The following GRID2 variants were observed in gnomAD, a reference collection of about 807,000 sequenced individuals.
GRID2 encodes the protein glutamate receptor ionotropic, delta-2.
Under a neutral mutation model 114.8 loss-of-function variants are expected in GRID2, and 33 were observed. The observed-to-expected ratio is 0.29, with a 90% CI of 0.22 to 0.38. The LOEUF (loss-of-function observed/expected upper bound fraction) is 0.38, where lower values mean the gene tolerates loss of function less well. GRID2 is among the 10% of genes least tolerant of loss of function. GRID2 has a pLI of 1.00. For synonymous variants in GRID2, 505 were observed against 449.9 expected, an observed-to-expected ratio of 1.12 and a Z score of -1.55; for missense variants, 1,184 against 1,257.7, an observed-to-expected ratio of 0.94 and a Z score of 0.89.
At chr4:92,832,267 C>G (rs1039919109) in intron 2 of GRID2, among the ~76,000 whole-genome samples, 1 of 151,838 alleles carries the variant, frequency 6.6e-6, no homozygotes, top group Non-Finnish European at 1.5e-5. Flanking sequence ...AGATGAAACA[C>G]GATCTTTACT....
chr4:92,354,514 C>T (rs996834090), intron 1 of GRID2, among the ~76,000 whole-genome samples: 4 of 151,814 alleles, frequency 2.6e-5, no homozygotes, highest in African/African-American at 9.7e-5. Flanking sequence ...GGTATTCTTT[C>T]ATGCCTTTTA....
chr4:92,359,826 G>A (rs531372585), intron 1 of GRID2, among the ~76,000 whole-genome samples: 1 of 151,936 alleles, frequency 6.6e-6, no homozygotes, highest in Non-Finnish European at 1.5e-5. Context: ...TTTTTTCCTA[G>A]GCAATTTCCC....
At chr4:93,000,053 A>C (rs1755443489) in intron 2 of GRID2, among the ~76,000 whole-genome samples, 1 of 151,704 alleles carries the variant, frequency 6.6e-6, no homozygotes, top group South Asian at 2.1e-4. Flanking sequence ...ATCTCATTGG[A>C]GAAAAATAAA....
chr4:92,358,915 A>G (rs1468919636), intron 1 of GRID2, among the ~76,000 whole-genome samples: 1 of 151,958 alleles, frequency 6.6e-6, no homozygotes. Context: ...TGCATTATGT[A>G]CTTGCATGTA....
At chr4:92,556,802 G>A (rs1726870760) in intron 1 of GRID2, among the ~76,000 whole-genome samples, 1 of 152,094 alleles carries the variant, frequency 6.6e-6, no homozygotes. Flanking sequence ...TAGTTAGTAT[G>A]AGCAAGCCCC....
At chr4:92,567,393 T>C (rs1335828679) in intron 1 of GRID2, among the ~76,000 whole-genome samples, 1 of 152,058 alleles carries the variant, frequency 6.6e-6, no homozygotes, top group African/African-American at 2.4e-5. Context: ...TTGCCACTTC[T>C]ATAGGAAAAT....
At chr4:93,058,528 T>C (rs1220177161) in intron 2 of GRID2, among the ~76,000 whole-genome samples, 1 of 152,018 alleles carries the variant, frequency 6.6e-6, no homozygotes, top group Non-Finnish European at 1.5e-5. Context: ...GTGGCTTTTT[T>C]TTAGTTGTCC....
intron 1 of GRID2, among the ~76,000 whole-genome samples, chr4:92,578,013 T>A (rs1401730049): frequency 3.3e-5 from 5 of 150,386 alleles, no homozygotes; most frequent in African/African-American, 1.2e-4. Context: ...AGATTTGGGA[T>A]GACTTACTAA....
chr4:93,485,134 T>A (rs1223353556), intron 11 of GRID2, among the ~76,000 whole-genome samples: 1 of 151,826 alleles, frequency 6.6e-6, no homozygotes, highest in East Asian at 1.9e-4. Flanking sequence ...TGGAGTGGTA[T>A]TTTTTTATTT....
At chr4:93,241,139 T>C (rs1302043364) in intron 8 of GRID2, among the ~76,000 whole-genome samples, 2 of 151,812 alleles carry the variant, frequency 1.3e-5, no homozygotes, top group Non-Finnish European at 3.0e-5. Context: ...TATAATATGG[T>C]ATCTTCTAAA....
chr4:92,697,056 C>T lies in GRID2; in HGVS notation c.244+106770C>T, dbSNP rs995201385. Among the ~76,000 whole-genome samples, 12 of 152,280 alleles carry T rather than the reference C, an allele frequency of 7.9e-5. 1 individual carries two copies. The highest frequency in any genetic ancestry group is 2.0e-4 in the Admixed American group (3 of 15,292). On this transcript the variant is annotated intron_variant, in intron 2 of 15. Transcript: ENST00000282020. ...TTTGTGTGCACTTCCTACATTTGAA[C>T]GCTTACAGTGGCATGAGCCTTAAAT...
At chr4:92,982,484 A>G (rs1754279092) in intron 2 of GRID2, among the ~76,000 whole-genome samples, 1 of 152,128 alleles carries the variant, frequency 6.6e-6, no homozygotes, top group Non-Finnish European at 1.5e-5. Context: ...TAAAATCATC[A>G]GAATAATTCT....
At chr4:93,626,191 TG>T (rs1451224415) in intron 13 of GRID2, 77 bp from the exon 14 acceptor site, 2 of 703,668 alleles carry the variant, frequency 2.8e-6, no homozygotes, top group Non-Finnish European at 4.9e-6. Context: ...ACCAATGTAA[TG>T]TTTTTCATCC....
At chr4:93,159,000 T>G (rs74329174) in intron 4 of GRID2, among the ~76,000 whole-genome samples, 1 of 151,728 alleles carries the variant, frequency 6.6e-6, no homozygotes, top group African/African-American at 2.4e-5. Flanking sequence ...TATTCTTGCC[T>G]TATGGAATTG....
chr4:93,598,416 GT>G (rs897683556), intron 13 of GRID2, among the ~76,000 whole-genome samples: 2 of 151,606 alleles, frequency 1.3e-5, no homozygotes, highest in East Asian at 1.9e-4. Flanking sequence ...CTCTTTTAAA[GT>G]TTTTTTACTG....
intron 2 of GRID2, among the ~76,000 whole-genome samples, chr4:92,876,771 G>A (rs1227571234): frequency 1.3e-5 from 2 of 152,172 alleles, no homozygotes; most frequent in Non-Finnish European, 2.9e-5. Context: ...AACACACAGG[G>A]AGGACAGGGT....
At chr4:92,804,853 A>G (rs1740337476) in intron 2 of GRID2, among the ~76,000 whole-genome samples, 1 of 152,024 alleles carries the variant, frequency 6.6e-6, no homozygotes. Context: ...ACCTAATTTA[A>G]TAACAATTTT....
intron 2 of GRID2, among the ~76,000 whole-genome samples, chr4:92,973,153 T>C (rs1202897745): frequency 6.6e-6 from 1 of 152,126 alleles, no homozygotes; most frequent in Non-Finnish European, 1.5e-5. Flanking sequence ...CAAATGGTAT[T>C]TCTGTTTTTA....
intron 2 of GRID2, among the ~76,000 whole-genome samples, chr4:92,615,575 T>C (rs928388110): frequency 6.6e-6 from 1 of 151,684 alleles, no homozygotes; most frequent in Non-Finnish European, 1.5e-5. Flanking sequence ...AGTCTCAAAA[T>C]TTATGCCATT....
Sources: gnomAD v4.1 joint callset for allele counts (sites outside exome capture counted in the v4.1 genomes callset) on GRCh38, gnomAD v4.1.1 for gene constraint, MANE v1.5 for transcripts, NCBI Gene and HGNC (gene_info 2026-07-23, HGNC 2026-07-21) for gene names.